The following DACH1 variants were observed in gnomAD, a reference collection of about 807,000 sequenced individuals.
DACH1 encodes dachshund family transcription factor 1, also known as dachshund homolog 1.
A neutral mutation model predicts 54.2 loss-of-function variants in DACH1; 12 were observed. The observed-to-expected ratio is 0.22, with a 90% CI of 0.14 to 0.36. The LOEUF is 0.36. Among genes scored for constraint, DACH1 ranks in the 10% least tolerant of loss-of-function variants. The pLI, the probability that DACH1 is intolerant of heterozygous loss-of-function variation, is 1.00. For missense variants in DACH1, 805 were observed against 929.8 expected, an observed-to-expected ratio of 0.87 and a Z score of 1.75; for synonymous variants, 386 against 366.2, an observed-to-expected ratio of 1.05 and a Z score of -0.62.
intron 1 of DACH1, chr13:71,704,550 G>A: frequency 2.2e-6 from 1 of 446,828 alleles, no homozygotes. Context: ...ATACCTGGGT[G>A]CAACTGAAGC....
chr13:71,586,615 A>G (rs1343757248), intron 3 of DACH1, among the ~76,000 whole-genome samples: 1 of 152,132 alleles, frequency 6.6e-6, no homozygotes, highest in East Asian at 1.9e-4. Flanking sequence ...CAAAAATGAC[A>G]ATATATAATA....
At chr13:71,496,263 A>ATG (rs1879405621) in intron 6 of DACH1, among the ~76,000 whole-genome samples, 2 of 12,130 alleles carry the variant, frequency 1.6e-4, no homozygotes, top group East Asian at 3.6e-3. Flanking sequence ...ATTGCTATGT[A>ATG]TATATATATA....
intron 2 of DACH1, among the ~76,000 whole-genome samples, chr13:71,672,347 T>C (rs763900713): frequency 1.3e-5 from 2 of 152,172 alleles, no homozygotes; most frequent in Admixed American, 1.3e-4. Flanking sequence ...AGGTTTTTTA[T>C]AAACACTATG....
At chr13:71,778,375 T>C (rs1373439802) in intron 1 of DACH1, among the ~76,000 whole-genome samples, 1 of 152,038 alleles carries the variant, frequency 6.6e-6, no homozygotes, top group East Asian at 1.9e-4. Context: ...GATCTTTGTC[T>C]TTAACATTAG....
At chr13:71,529,776 T>G (rs896154964) in intron 6 of DACH1, among the ~76,000 whole-genome samples, 7 of 152,206 alleles carry the variant, frequency 4.6e-5, no homozygotes, top group Non-Finnish European at 1.0e-4. Context: ...ACAACCTCCA[T>G]GTTGTTTGTG....
At chr13:71,865,822 G>A (rs1874711207) in intron 1 of DACH1, 100 bp downstream of exon 1, 9 of 1,321,890 alleles carry the variant, frequency 6.8e-6, no homozygotes, top group Non-Finnish European at 8.6e-6. Context: ...CGCGCGGCTC[G>A]CGGGCGCGCA....
chr13:71,693,295 G>GTTTTTTTTT (rs1881619219), intron 1 of DACH1, among the ~76,000 whole-genome samples: 3 of 112,710 alleles, frequency 2.7e-5, no homozygotes, highest in African/African-American at 1.3e-4. Flanking sequence ...CATTTGTTTT[G>GTTTTTTTTT]CTTTTTTTTT....
intron 6 of DACH1, among the ~76,000 whole-genome samples, chr13:71,550,643 C>T (rs192513454): frequency 1.3e-5 from 2 of 152,204 alleles, no homozygotes; most frequent in African/African-American, 4.8e-5. Flanking sequence ...AGCTCTGCTC[C>T]TAGAAATAAT....
intron 6 of DACH1, among the ~76,000 whole-genome samples, chr13:71,523,100 T>C (rs1881719481): frequency 6.6e-6 from 1 of 152,134 alleles, no homozygotes; most frequent in Non-Finnish European, 1.5e-5. Context: ...TTTTTTTCCA[T>C]TGCTTCTGCC....
intron 1 of DACH1, among the ~76,000 whole-genome samples, chr13:71,838,006 G>C (rs1237417524): frequency 1.7e-5 from 1 of 59,940 alleles, no homozygotes; most frequent in Non-Finnish European, 3.2e-5. Flanking sequence ...GACTGTGGTG[G>C]GGAGGGGGGA....
intron 1 of DACH1, among the ~76,000 whole-genome samples, chr13:71,860,697 G>C (rs1426351698): frequency 6.6e-6 from 1 of 151,888 alleles, no homozygotes; most frequent in Admixed American, 6.6e-5. Context: ...ATATTTTGCA[G>C]TAGTTGTTTT....
intron 6 of DACH1, among the ~76,000 whole-genome samples, chr13:71,527,272 TA>T (rs1882045032): frequency 6.6e-6 from 1 of 152,078 alleles, no homozygotes; most frequent in Admixed American, 6.6e-5. Flanking sequence ...AAAATGCTGT[TA>T]AAAATAATAT....
Position 71,599,494 on chromosome 13 carries a change from T to C in DACH1, c.1127-26482A>G, listed in dbSNP as rs143688651. Among the ~76,000 whole-genome samples, 1,142 of 152,268 alleles carry C rather than the reference T, an allele frequency of 7.5e-3. 23 individuals are homozygous for C. The highest frequency in any genetic ancestry group is 7.3e-3 in the Non-Finnish European group (493 of 68,000). On this transcript the variant is annotated intron_variant, in intron 3 of 10. Coordinates refer to ENST00000613252, the MANE Select transcript of DACH1 (RefSeq NM_080759.6). The stretch of plus-strand genomic sequence containing the variant: ...AAGTTTTGTATCTAATTTACTTATA[T>C]GCCATCTTCAGGGTTTTAAGAGAGA...
chr13:71,488,058 C>T (rs1338211511), intron 7 of DACH1, among the ~76,000 whole-genome samples: 1 of 152,066 alleles, frequency 6.6e-6, no homozygotes, highest in East Asian at 1.9e-4. Flanking sequence ...AGATATGTTA[C>T]ATTAAAGGCC....
intron 2 of DACH1, among the ~76,000 whole-genome samples, chr13:71,662,747 A>T: frequency 6.6e-6 from 1 of 152,010 alleles, no homozygotes; most frequent in Admixed American, 6.6e-5. Flanking sequence ...TTTGTGTTGT[A>T]CAAATGAAGT....
intron 1 of DACH1, among the ~76,000 whole-genome samples, chr13:71,779,768 C>T (rs949440208): frequency 6.6e-6 from 1 of 152,028 alleles, no homozygotes; most frequent in African/African-American, 2.4e-5. Context: ...AAAAGTTTCC[C>T]TGTCTTTTTC....
chr13:71,472,182 T>A (rs1241816046), intron 10 of DACH1, among the ~76,000 whole-genome samples: 2 of 152,214 alleles, frequency 1.3e-5, no homozygotes, highest in Admixed American at 1.3e-4. Flanking sequence ...ATTTTTACAA[T>A]TCATGAATTC....
Position 71,677,882 on chromosome 13 carries a change from G to A in DACH1, c.964+3913C>T, listed in dbSNP as rs999247423. On this transcript the variant is annotated intron_variant, in intron 2 of 10. Transcript: ENST00000613252. ...TTACAGGCGCCCACCACCATGTCCA[G>A]CTAATTTTTGTATTTTTAGTAGAGA... Among the ~76,000 whole-genome samples, 37 of 152,020 alleles carry A rather than the reference G, an allele frequency of 2.4e-4. 1 individual carries two copies. Among genetic ancestry groups the A allele is most frequent in the Admixed American group, 2.1e-3 (32 of 15,256 alleles).
chr13:71,699,707 C>T (rs540134800), intron 1 of DACH1, among the ~76,000 whole-genome samples: 1 of 152,278 alleles, frequency 6.6e-6, no homozygotes, highest in East Asian at 1.9e-4. Context: ...TGTTTTCAGT[C>T]TTCACACAAA....
Sources: allele counts gnomAD v4.1 joint callset (sites outside exome capture counted in the v4.1 genomes callset), GRCh38; gene constraint gnomAD v4.1.1; transcripts MANE v1.5; gene names NCBI Gene and HGNC (gene_info 2026-07-23, HGNC 2026-07-21).